Variants in ARHGAP12 observed in about 807,000 individuals in gnomAD.
ARHGAP12 encodes rho GTPase-activating protein 12.
A neutral mutation model predicts 108.6 loss-of-function variants in ARHGAP12; 64 were observed. That is an observed-to-expected ratio of 0.59 (90% CI 0.48 to 0.73). The LOEUF is 0.73. Ranked by LOEUF, ARHGAP12 falls within the 30% of genes least tolerant of loss-of-function variation. ARHGAP12 has a pLI of 0.00. For missense variants in ARHGAP12, 940 were observed against 1,005.9 expected, an observed-to-expected ratio of 0.93 and a Z score of 0.89; for synonymous variants, 312 against 337.2, an observed-to-expected ratio of 0.93 and a Z score of 0.82.
chr10:31,865,801 C>T (rs1299788352), intron 3 of ARHGAP12, among the ~76,000 whole-genome samples: 1 of 151,658 alleles, frequency 6.6e-6, no homozygotes, highest in Non-Finnish European at 1.5e-5. Context: ...TGGCGTGAAC[C>T]CAGGAGGCAG....
rs1011340897 is a variant in ARHGAP12, at chr10:31,910,505, T to A, written c.-72+20A>T. 7.3e-5 allele frequency: 11 copies of A among 151,718 alleles called. No homozygotes were observed. Among genetic ancestry groups the A allele is most frequent in the South Asian group, 4.2e-4 (2 of 4,814 alleles). The allele number at this position is 151,718 out of a possible 1,614,324, so 9.4% of individuals were successfully genotyped here. On this transcript the variant is annotated intron_variant, in intron 2 of 19. Transcript: ENST00000344936. ...ACTAACAAATTTAATACAACACATT[T>A]TCAAAAAATAAAAAATTACCTTAGA...
At position 31,922,642 on chromosome 10, in the gene ARHGAP12, C is replaced by T. The variant is rs7093066; in HGVS notation, c.-111+6041G>A. ...ACAGATAACCTGAATACTCCTATATCTATTAAATAAACAGAATTTGTCTTT... is the reference window on the plus strand; with the variant it reads ...ACAGATAACCTGAATACTCCTATATTTATTAAATAAACAGAATTTGTCTTT... On this transcript the variant is annotated intron_variant, in intron 1 of 19. Coordinates refer to ENST00000344936, the MANE Select transcript of ARHGAP12 (RefSeq NM_018287.7). 7.4e-3 allele frequency among the ~76,000 whole-genome samples: 1,134 copies of T among 152,218 alleles called. 11 individuals carry two copies. The highest frequency in any genetic ancestry group is 0.026 in the African/African-American group (1,089 of 41,520).
chr10:31,866,339 C>T (rs2132321481), intron 3 of ARHGAP12, among the ~76,000 whole-genome samples: 1 of 152,294 alleles, frequency 6.6e-6, no homozygotes, highest in South Asian at 2.1e-4. Flanking sequence ...ACTTTCCTGC[C>T]ATAAACTAGA....
At chr10:31,922,246 C>T (rs1839857487) in intron 1 of ARHGAP12, among the ~76,000 whole-genome samples, 1 of 140,448 alleles carries the variant, frequency 7.1e-6, no homozygotes, top group African/African-American at 2.6e-5. Context: ...TGACAATCCT[C>T]TAGCCAAACT....
At chr10:31,928,460 T>A (rs1339973079) in intron 1 of ARHGAP12, among the ~76,000 whole-genome samples, 1 of 146,734 alleles carries the variant, frequency 6.8e-6, no homozygotes, top group African/African-American at 2.6e-5. Flanking sequence ...GCCGGCCCCC[T>A]CCCCCTCGGC....
rs1314774034 is a variant in ARHGAP12, at chr10:31,903,659, G to GA, written c.684+4512dup. 2.6e-5 allele frequency among the ~76,000 whole-genome samples: 4 copies of GA among 151,952 alleles called. No homozygotes were observed. The East Asian group carries it at 7.7e-4, about 29-fold the overall frequency. ...TCTGCAAAGACACTATCAAGAGGAT[G>GA]AAAAGGCAAGCTACATGCTGGGAGA... is the stretch of plus-strand genomic sequence containing the variant. On this transcript the variant is annotated intron_variant, in intron 3 of 19. Transcript: ENST00000344936.
intron 3 of ARHGAP12, among the ~76,000 whole-genome samples, chr10:31,877,662 G>A (rs2132354073): frequency 6.6e-6 from 1 of 152,346 alleles, no homozygotes; most frequent in African/African-American, 2.4e-5. Context: ...CCCATTGTGT[G>A]CGTTACAACT....
intron 15 of ARHGAP12, among the ~76,000 whole-genome samples, chr10:31,812,306 G>C (rs1158859838): frequency 6.6e-6 from 1 of 152,000 alleles, no homozygotes; most frequent in Non-Finnish European, 1.5e-5. Flanking sequence ...TAATTTTTCA[G>C]TTACCTTAAA....
At chr10:31,836,445 G>C (rs1836017653) in intron 9 of ARHGAP12, among the ~76,000 whole-genome samples, 1 of 151,928 alleles carries the variant, frequency 6.6e-6, no homozygotes, top group African/African-American at 2.4e-5. Flanking sequence ...GATTTAAAGG[G>C]ACTACAAAAA....
chr10:31,873,395 A>G (rs913606644), intron 3 of ARHGAP12, among the ~76,000 whole-genome samples: 6 of 152,242 alleles, frequency 3.9e-5, no homozygotes, highest in Non-Finnish European at 7.3e-5. Context: ...AAAGTTTCCC[A>G]ATAAATGAAT....
chr10:31,809,197 G>A (rs752875373), intron 17 of ARHGAP12, 33 bp downstream of exon 17: 1 of 1,612,256 alleles, frequency 6.2e-7, no homozygotes, highest in East Asian at 2.2e-5. Context: ...TATGAGTGAT[G>A]CATCTGAATA....
intron 3 of ARHGAP12, among the ~76,000 whole-genome samples, chr10:31,877,207 A>T (rs2132352980): frequency 6.6e-6 from 1 of 152,368 alleles, no homozygotes; most frequent in East Asian, 1.9e-4. Flanking sequence ...AAAGTAGCAT[A>T]AAGACGCCTG....
rs942393282 is a variant in ARHGAP12, at chr10:31,807,447, T to A, written c.*211A>T. ...AAACATTCAGGATAAAATGAATTCA[T>A]AATTACACGCAGTTATATCAACTTG... On this transcript the variant is annotated 3_prime_UTR_variant, in exon 20 of 20. Transcript: ENST00000344936. 1.4e-5 allele frequency: 6 copies of A among 415,218 alleles called. No homozygotes were observed. Among genetic ancestry groups the A allele is most frequent in the Non-Finnish European group, 2.5e-5 (6 of 235,538 alleles). The allele number at this position is 415,218 out of a possible 1,614,324, so 25.7% of individuals were successfully genotyped here. A position where few individuals can be genotyped will look rare whatever the true frequency, so the allele number is the denominator to read the frequency against.
chr10:31,840,922 C>T (rs1836239689), intron 7 of ARHGAP12, among the ~76,000 whole-genome samples: 1 of 151,898 alleles, frequency 6.6e-6, no homozygotes, highest in Admixed American at 6.6e-5. Flanking sequence ...ATCCAAATCT[C>T]ACTTAAGTAT....
At chr10:31,850,093 C>A (rs1309786977) in intron 6 of ARHGAP12, among the ~76,000 whole-genome samples, 1 of 152,104 alleles carries the variant, frequency 6.6e-6, no homozygotes, top group Non-Finnish European at 1.5e-5. Context: ...TGTCATTACT[C>A]CAGGGAATCA....
chr10:31,914,445 G>C (rs1168875422), intron 1 of ARHGAP12, among the ~76,000 whole-genome samples: 2 of 149,224 alleles, frequency 1.3e-5, no homozygotes, highest in African/African-American at 2.5e-5. Context: ...TAACTCAATA[G>C]CAAAAAAAAA....
chr10:31,894,960 C>A (rs888503408), intron 3 of ARHGAP12, among the ~76,000 whole-genome samples: 1 of 152,174 alleles, frequency 6.6e-6, no homozygotes, highest in South Asian at 2.1e-4. Flanking sequence ...CTACAACTAT[C>A]TAATCTTTGA....
intron 3 of ARHGAP12, among the ~76,000 whole-genome samples, chr10:31,862,705 G>GACACACACACACAC (rs559731195): frequency 4.5e-5 from 6 of 133,186 alleles, no homozygotes; most frequent in Non-Finnish European, 6.5e-5. Context: ...TGCACACACA[G>GACACACACACACAC]ACACACACAC....
intron 9 of ARHGAP12, among the ~76,000 whole-genome samples, chr10:31,832,778 A>C (rs564185630): frequency 6.6e-6 from 1 of 152,316 alleles, no homozygotes; most frequent in South Asian, 2.1e-4. Flanking sequence ...CATGAGAGAT[A>C]AACATAATAT....
Sources: allele counts gnomAD v4.1 joint callset (sites outside exome capture counted in the v4.1 genomes callset), GRCh38; gene constraint gnomAD v4.1.1; transcripts MANE v1.5; gene names NCBI Gene and HGNC (gene_info 2026-07-23, HGNC 2026-07-21).